The following VIPR2 variants were observed in gnomAD, a reference collection of about 807,000 sequenced individuals.
VIPR2 encodes vasoactive intestinal polypeptide receptor 2.
Under a neutral mutation model 58.0 loss-of-function variants are expected in VIPR2, and 48 were observed. The ratio of observed to expected loss-of-function variants is 0.83; its 90% CI spans 0.66 to 1.05. The LOEUF is 1.05. Ranked by LOEUF, VIPR2 falls within the 50% of genes least tolerant of loss-of-function variation. The pLI, the probability that VIPR2 is intolerant of heterozygous loss-of-function variation, is 0.00. For synonymous variants in VIPR2, 243 were observed against 235.2 expected, an observed-to-expected ratio of 1.03 and a Z score of -0.30; for missense variants, 534 against 558.0, an observed-to-expected ratio of 0.96 and a Z score of 0.43.
chr7:159,094,990 G>C (rs1433630990), intron 4 of VIPR2, among the ~76,000 whole-genome samples: 2 of 152,124 alleles, frequency 1.3e-5, no homozygotes, highest in Non-Finnish European at 2.9e-5. Context: ...CAGATCTCCT[G>C]AACCTAGTCC....
At chr7:159,068,893 C>A (rs1425530956) in intron 4 of VIPR2, among the ~76,000 whole-genome samples, 2 of 152,210 alleles carry the variant, frequency 1.3e-5, no homozygotes, top group Non-Finnish European at 2.9e-5. Context: ...GTGTTTCAAA[C>A]CTACCAAAAG....
intron 4 of VIPR2, among the ~76,000 whole-genome samples, chr7:159,091,265 G>A (rs919495805): frequency 3.3e-5 from 5 of 152,250 alleles, no homozygotes; most frequent in East Asian, 3.8e-4. Flanking sequence ...AAGCGCTGAT[G>A]TCTCGACTGC....
chr7:159,042,794 A>T (rs894954575), intron 6 of VIPR2, among the ~76,000 whole-genome samples: 6 of 152,076 alleles, frequency 3.9e-5, no homozygotes, highest in African/African-American at 1.4e-4. Context: ...GGGCCCTTTC[A>T]CTTCCCAGCC....
Position 159,109,856 on chromosome 7 carries a change from G to A in VIPR2, c.215C>T (p.Thr72Met), listed in dbSNP as rs542501834. ...WRPANVGETV[T>M]VPCPKVFSNF... is the part of the protein sequence containing the mutation. The stretch of plus-strand genomic sequence containing the variant: ...GCTGAAGACTTTTGGGCAGGGCACC[G>A]TGACGGTCTCTCCCACATTGGCAGG... Residue 72 changes from threonine to methionine, a missense_variant, in exon 3 of 13, where the codon ACG becomes ATG. Physicochemically the swap from Thr to Met is moderately conservative, Grantham distance 81 (BLOSUM62 -1). This residue lies in a region of VIPR2 where 224 missense variants were observed against 255.7 expected (regional missense o/e 0.88). Transcript: ENST00000262178. The A allele has an allele frequency of 1.7e-5, 27 of 1,614,196 alleles. No individual in the cohort carries two copies. Among genetic ancestry groups the A allele is most frequent in the South Asian group, 3.3e-5 (3 of 91,086 alleles).
At position 159,128,427 on chromosome 7, in the gene VIPR2, CTG is replaced by C. The variant is rs371054858; in HGVS notation, c.151+14017_151+14018del. 9.5e-3 allele frequency among the ~76,000 whole-genome samples: 1,443 copies of C among 152,270 alleles called. 14 individuals carry two copies. The highest frequency in any genetic ancestry group is 0.025 in the Admixed American group (378 of 15,310). On this transcript the variant is annotated intron_variant, in intron 2 of 12. Coordinates refer to ENST00000262178, the MANE Select transcript of VIPR2 (RefSeq NM_003382.5). This position sits in a 1 kb window ranked among gnomAD's most constrained non-coding sequence, Gnocchi z 4.1. ...CCTCAGATGACTGAGGTCCTAACAA[CTG>C]TGTGTAAAAACCTCTGGGCCCCCCT...
At chr7:159,037,247 C>T (rs1201522117) in intron 6 of VIPR2, among the ~76,000 whole-genome samples, 4 of 152,260 alleles carry the variant, frequency 2.6e-5, no homozygotes, top group Non-Finnish European at 5.9e-5. Flanking sequence ...GGCTACTCCA[C>T]TTCCCCTTCT....
intron 2 of VIPR2, among the ~76,000 whole-genome samples, chr7:159,124,732 G>T (rs1796593401): frequency 6.6e-6 from 1 of 152,148 alleles, no homozygotes; most frequent in Non-Finnish European, 1.5e-5. Flanking sequence ...TGGCAGTATG[G>T]CCATTTTAAT....
intron 6 of VIPR2, among the ~76,000 whole-genome samples, chr7:159,041,494 G>C (rs1427798144): frequency 1.3e-5 from 2 of 151,836 alleles, no homozygotes; most frequent in Non-Finnish European, 2.9e-5. Flanking sequence ...CCATGTCGCG[G>C]GTCCCAAGGG....
At chr7:159,059,727 C>CCT (rs1855524608) in intron 4 of VIPR2, among the ~76,000 whole-genome samples, 1 of 90,514 alleles carries the variant, frequency 1.1e-5, no homozygotes, top group Non-Finnish European at 3.2e-5. Context: ...TAACCACCAC[C>CCT]CTCACCTCAC....
At chr7:159,062,146 G>A (rs143562160) in intron 4 of VIPR2, among the ~76,000 whole-genome samples, 2 of 152,290 alleles carry the variant, frequency 1.3e-5, no homozygotes, top group East Asian at 3.9e-4. Context: ...CTTGATGGGG[G>A]GCCCGCGGGC....
chr7:159,137,014 G>A (rs1797258232), intron 2 of VIPR2, among the ~76,000 whole-genome samples: 1 of 152,122 alleles, frequency 6.6e-6, no homozygotes, highest in African/African-American at 2.4e-5. Context: ...TGCACCAGGA[G>A]AGGCCATCGA....
chr7:159,138,702 G>A, intron 2 of VIPR2, among the ~76,000 whole-genome samples: 1 of 152,252 alleles, frequency 6.6e-6, no homozygotes, highest in East Asian at 1.9e-4. Flanking sequence ...GTGTCTGGAA[G>A]GAAAAGCGGG....
chr7:159,102,232 C>T (rs187691987), intron 4 of VIPR2, among the ~76,000 whole-genome samples: 23 of 151,166 alleles, frequency 1.5e-4, no homozygotes, highest in Middle Eastern at 3.4e-3. Flanking sequence ...TCCGATGAGG[C>T]GGTTCCGACT....
chr7:159,035,723 T>C (rs1585329096), intron 8 of VIPR2: 3 of 985,430 alleles, frequency 3.0e-6, no homozygotes, highest in Non-Finnish European at 3.6e-6. Context: ...ATCTCAACTA[T>C]GCTGCAAAAC....
chr7:159,105,678 G>C (rs1346269273), intron 3 of VIPR2, among the ~76,000 whole-genome samples: 1 of 149,632 alleles, frequency 6.7e-6, no homozygotes, highest in Non-Finnish European at 1.5e-5. Flanking sequence ...CACACAGGGA[G>C]CCCCAGCAGG....
chr7:159,138,565 G>C (rs1385964196), intron 2 of VIPR2, among the ~76,000 whole-genome samples: 1 of 152,244 alleles, frequency 6.6e-6, no homozygotes, highest in Non-Finnish European at 1.5e-5. Flanking sequence ...GAATACTATA[G>C]CAGCTCTTAA....
chr7:159,036,885 G>A lies in VIPR2; in HGVS notation c.615C>T (p.Ser205=). ...TGATGCAGTACTGCAGGAAGACCAG[G>A]CTCAGCTTGCAGCCCACCTGGAAAC... is the stretch of plus-strand genomic sequence containing the variant. The part of the protein sequence containing the change: ...QPSSWVGCKL[S]LVFLQYCIMA... Residue 205 remains serine, a synonymous_variant, in exon 7 of 13, where the codon AGC becomes AGT. Transcript: ENST00000262178. 1 of 1,612,556 alleles carries A rather than the reference G, an allele frequency of 6.2e-7. No homozygotes were observed. Among genetic ancestry groups the A allele is most frequent in the Non-Finnish European group, 8.5e-7 (1 of 1,178,868 alleles).
At chr7:159,086,321 G>C (rs530065725) in intron 4 of VIPR2, among the ~76,000 whole-genome samples, 1 of 152,310 alleles carries the variant, frequency 6.6e-6, no homozygotes, top group South Asian at 2.1e-4. Context: ...TTTGCCCATG[G>C]AGTCCTATGA....
chr7:159,119,391 T>G (rs1011683121), intron 2 of VIPR2, among the ~76,000 whole-genome samples: 4 of 152,150 alleles, frequency 2.6e-5, no homozygotes, highest in African/African-American at 9.7e-5. Context: ...GTGGCGGCAC[T>G]CAGAGCTCCT....
Sources: allele counts gnomAD v4.1 joint callset (sites outside exome capture counted in the v4.1 genomes callset), GRCh38; gene constraint gnomAD v4.1.1; regional missense constraint gnomAD v4.1.1; non-coding constraint Gnocchi (gnomAD v3.1); transcripts MANE v1.5; gene names NCBI Gene and HGNC (gene_info 2026-07-23, HGNC 2026-07-21).